Variants in HOOK3 observed in about 807,000 individuals in gnomAD.
HOOK3 encodes the protein protein Hook homolog 3.
Under a neutral mutation model 116.3 loss-of-function variants are expected in HOOK3, and 24 were observed. The ratio of observed to expected loss-of-function variants is 0.21; its 90% CI spans 0.15 to 0.29. The LOEUF (loss-of-function observed/expected upper bound fraction) is 0.29, where lower values mean the gene tolerates loss of function less well. HOOK3 is among the 10% of genes least tolerant of loss of function. The pLI is 1.00. For synonymous variants in HOOK3, 275 were observed against 283.0 expected (o/e 0.97, Z 0.28); for missense variants, 632 against 830.2 (o/e 0.76, Z 2.93).
intron 13 of HOOK3, among the ~76,000 whole-genome samples, chr8:42,977,657 A>G (rs1021656400): frequency 2.6e-5 from 4 of 152,300 alleles, no homozygotes; most frequent in African/African-American, 9.6e-5. Context: ...ACTTGAGGCC[A>G]GGAGTCGGAG....
At chr8:42,966,688 C>G in intron 10 of HOOK3, 75 bp downstream of exon 10, 2 of 1,512,624 alleles carry the variant, frequency 1.3e-6, no homozygotes, top group East Asian at 2.3e-5. Context: ...GAGGATCTAG[C>G]AAACTTAAGA....
intron 2 of HOOK3, among the ~76,000 whole-genome samples, chr8:42,922,390 A>AT (rs1471913145): frequency 2.6e-5 from 4 of 151,872 alleles, no homozygotes; most frequent in Non-Finnish European, 5.9e-5. Context: ...AAAAAAAAAA[A>AT]GAAAGAAAAA....
chr8:42,943,240 A>G, intron 4 of HOOK3, 73 bp from the exon 5 acceptor site: 7 of 1,028,628 alleles, frequency 6.8e-6, no homozygotes, highest in Non-Finnish European at 9.3e-6. Context: ...GTAATAACAA[A>G]CCTCGATCAA....
At chr8:42,919,119 CG>C (rs1292578657) in intron 2 of HOOK3, among the ~76,000 whole-genome samples, 1 of 151,542 alleles carries the variant, frequency 6.6e-6, no homozygotes, top group East Asian at 2.0e-4. Context: ...GGGCGGCTGC[CG>C]GGTGGAGACG....
chr8:42,994,626 T>C (rs565560746), intron 15 of HOOK3: 1 of 164,516 alleles, frequency 6.1e-6, no homozygotes, highest in South Asian at 1.3e-4. Context: ...AAAATTTCTT[T>C]TGTTAACTGA....
intron 5 of HOOK3, among the ~76,000 whole-genome samples, chr8:42,944,694 C>A (rs187396077): frequency 2.5e-4 from 38 of 152,004 alleles, no homozygotes; most frequent in South Asian, 8.3e-4. Context: ...TGGTGGGCGC[C>A]TGTAATCCCA....
intron 18 of HOOK3, among the ~76,000 whole-genome samples, chr8:43,009,619 A>G (rs1456142753): frequency 1.3e-5 from 2 of 152,134 alleles, no homozygotes; most frequent in Non-Finnish European, 2.9e-5. Flanking sequence ...ATTCTTTTGT[A>G]TTAATAAAGA....
chr8:42,905,482 G>A (rs1372698248), intron 1 of HOOK3, among the ~76,000 whole-genome samples: 1 of 151,924 alleles, frequency 6.6e-6, no homozygotes. Context: ...CAGGAGATTG[G>A]CTTTTCTTTC....
chr8:42,944,959 C>G (rs184767028), intron 5 of HOOK3, among the ~76,000 whole-genome samples: 184 of 152,232 alleles, frequency 1.2e-3, no homozygotes, highest in African/African-American at 4.2e-3. Flanking sequence ...ATTTTAAGCT[C>G]CCAGAGCTGA....
At position 42,983,559 on chromosome 8, in the gene HOOK3, C is replaced by G. The variant is rs138823916; in HGVS notation, c.1391+863C>G. 1.3e-4 allele frequency among the ~76,000 whole-genome samples: 20 copies of G among 152,298 alleles called. No individual in the cohort carries two copies. The East Asian group carries it at 3.7e-3, about 28-fold the overall frequency. On this transcript the variant is annotated intron_variant, in intron 14 of 21. Transcript: ENST00000307602. Reference sequence around the variant, plus strand: ...AGTGCAGTGGCACAGTCACGGCTCACTGCAGCCTTGACCTTCTGGGCTCAA... The same window carrying G: ...AGTGCAGTGGCACAGTCACGGCTCAGTGCAGCCTTGACCTTCTGGGCTCAA...
intron 2 of HOOK3, among the ~76,000 whole-genome samples, chr8:42,918,634 C>G (rs912902298): frequency 1.1e-4 from 16 of 151,996 alleles, no homozygotes; most frequent in African/African-American, 3.6e-4. Context: ...TGACTCTTAA[C>G]GAGTATGCTG....
intron 11 of HOOK3, among the ~76,000 whole-genome samples, chr8:42,969,364 G>A (rs1427134794): frequency 6.6e-6 from 1 of 152,188 alleles, no homozygotes; most frequent in East Asian, 1.9e-4. Flanking sequence ...AGTGTCTCAC[G>A]CCTGTAATCT....
chr8:43,027,364 C>T lies in HOOK3; in HGVS notation c.*8866C>T. The T allele has an allele frequency of 2.6e-6, 1 of 385,492 alleles. No homozygotes were observed. 23.9% of individuals were successfully genotyped at this position (385,492 alleles called of 1,614,324 possible). ...TTATTATGTTACATAAATATGGACA[C>T]AATTACTGCCAAAGAATAGAGAGAT... On this transcript the variant is annotated 3_prime_UTR_variant, in exon 22 of 22. Coordinates refer to ENST00000307602, the MANE Select transcript of HOOK3 (RefSeq NM_032410.4).
intron 5 of HOOK3, among the ~76,000 whole-genome samples, chr8:42,948,631 A>G (rs1054420310): frequency 1.3e-5 from 2 of 152,154 alleles, no homozygotes; most frequent in Non-Finnish European, 2.9e-5. Context: ...CCATGTTCAC[A>G]GTCTTACTTT....
At chr8:42,989,214 C>T (rs1004091179) in intron 15 of HOOK3, among the ~76,000 whole-genome samples, 1 of 152,232 alleles carries the variant, frequency 6.6e-6, no homozygotes, top group African/African-American at 2.4e-5. Flanking sequence ...CTGTACCTCT[C>T]AGACTGTGCT....
At chr8:42,982,555 GT>G (rs1808972505) in intron 13 of HOOK3, 71 bp from the exon 14 acceptor site, 1 of 1,000,276 alleles carries the variant, frequency 1.0e-6, no homozygotes, top group African/African-American at 1.6e-5. Context: ...AATGCTCAAA[GT>G]AGGGTTTCAT....
intron 15 of HOOK3, among the ~76,000 whole-genome samples, chr8:42,990,117 CTCTAAG>C (rs1809129472): frequency 1.3e-5 from 2 of 151,864 alleles, no homozygotes; most frequent in Admixed American, 6.6e-5. Context: ...CCATGTCAGC[CTCTAAG>C]TAGCTGGAAC....
Position 42,973,391 on chromosome 8 carries a change from G to C in HOOK3, c.1225G>C (p.Glu409Gln), listed in dbSNP as rs963724882. 3.7e-6 allele frequency: 6 copies of C among 1,610,030 alleles called. No individual in the cohort carries two copies. Among genetic ancestry groups the C allele is most frequent in the Admixed American group, 1.7e-5 (1 of 59,478 alleles). Residue 409 changes from glutamate to glutamine, a missense_variant, in exon 12 of 22, where the codon GAA becomes CAA. By Grantham distance (29) the Glu-to-Gln change is conservative. This residue lies in a region of HOOK3 where 483 missense variants were observed against 648.1 expected (regional missense o/e 0.75). Coordinates refer to ENST00000307602, the MANE Select transcript of HOOK3 (RefSeq NM_032410.4). ...AGAAAAAGTTGACAGTCTTCAAAAA[G>C]AAAAGGACGTGAGTATATATATTAG... is the stretch of plus-strand genomic sequence containing the variant. ...LKEKVDSLQK[E>Q]KDRLRTERDS...
chr8:42,984,341 C>G (rs1809008771), intron 14 of HOOK3, among the ~76,000 whole-genome samples: 1 of 149,468 alleles, frequency 6.7e-6, no homozygotes, highest in Non-Finnish European at 1.5e-5. Context: ...GCACTCCAGT[C>G]TGGGCAACAA....
Sources: allele counts gnomAD v4.1 joint callset (sites outside exome capture counted in the v4.1 genomes callset), GRCh38; gene constraint gnomAD v4.1.1; regional missense constraint gnomAD v4.1.1; transcripts MANE v1.5; gene names NCBI Gene and HGNC (gene_info 2026-07-23, HGNC 2026-07-21).